AKAP13: variants seen among roughly 807,000 people sequenced by gnomAD.
AKAP13 encodes A-kinase anchor protein 13.
AKAP13 carries 80 observed loss-of-function variants against 264.5 expected under a neutral mutation model. The observed-to-expected ratio is 0.30, with a 90% CI of 0.25 to 0.36. The LOEUF (loss-of-function observed/expected upper bound fraction) is 0.36. Among genes scored for constraint, AKAP13 ranks in the 10% least tolerant of loss-of-function variants. The pLI, the probability that AKAP13 is intolerant of heterozygous loss-of-function variation, is 1.00. For synonymous variants in AKAP13, 1,380 were observed against 1,250.2 expected (o/e 1.10, Z -2.19); for missense variants, 3,712 against 3,435.2 (o/e 1.08, Z -2.01).
chr15:85,593,033 G>C (rs116335095), intron 8 of AKAP13, among the ~76,000 whole-genome samples: 1,852 of 151,846 alleles, frequency 0.012, 41 homozygotes, highest in African/African-American at 0.042. Flanking sequence ...GAAATGATTA[G>C]AATAATTTAA....
At chr15:85,547,253 C>T (rs1163393908) in intron 5 of AKAP13, among the ~76,000 whole-genome samples, 1 of 152,184 alleles carries the variant, frequency 6.6e-6, no homozygotes, top group African/African-American at 2.4e-5. Context: ...ATTTATAGCC[C>T]TTCCCAAGTA....
At chr15:85,528,198 A>G (rs1011851059) in intron 3 of AKAP13, among the ~76,000 whole-genome samples, 33 of 152,178 alleles carry the variant, frequency 2.2e-4, no homozygotes, top group East Asian at 1.9e-4. Context: ...AGCTCTCCCA[A>G]CCTCGCACAC....
At chr15:85,493,060 G>T (rs984781944) in intron 2 of AKAP13, among the ~76,000 whole-genome samples, 3 of 152,166 alleles carry the variant, frequency 2.0e-5, no homozygotes, top group East Asian at 1.9e-4. Flanking sequence ...CTTGTTCTGC[G>T]CAAGGTGTAC....
chr15:85,631,532 A>T lies in AKAP13; in HGVS notation c.4162-7842A>T, dbSNP rs1046586324. 1.7e-4 allele frequency among the ~76,000 whole-genome samples: 26 copies of T among 150,998 alleles called. No individual in the cohort carries two copies. The South Asian group carries it at 3.0e-3, about 17-fold the overall frequency. On this transcript the variant is annotated intron_variant, in intron 8 of 36. Transcript: ENST00000394518. ...CACACACACACACACACACACACACACACACACACACACACACACACTAAA... is the reference window on the plus strand; with the variant it reads ...CACACACACACACACACACACACACTCACACACACACACACACACACTAAA...
chr15:85,652,642 C>T (rs2082908078), intron 10 of AKAP13, among the ~76,000 whole-genome samples: 1 of 152,180 alleles, frequency 6.6e-6, no homozygotes, highest in South Asian at 2.1e-4. Flanking sequence ...CTGAAAACAA[C>T]AGGAACTTAC....
chr15:85,471,381 G>A (rs2074955196), intron 1 of AKAP13, among the ~76,000 whole-genome samples: 1 of 152,070 alleles, frequency 6.6e-6, no homozygotes, highest in African/African-American at 2.4e-5. Flanking sequence ...TGTAGTCCCA[G>A]CTACTCCGGA....
rs988880251 is a variant in AKAP13 at position 85,582,911 on chromosome 15, C to G, written c.4039+804C>G. ...AAGCAGCTGCACTGAGCAGATTGCT[C>G]ACACAGCAGCCTGTTCCATCTGTGG... On this transcript the variant is annotated intron_variant, in intron 7 of 36. Coordinates refer to ENST00000394518, the MANE Select transcript of AKAP13 (RefSeq NM_007200.5). The G allele has an allele frequency of 1.5e-5, 15 of 985,348 alleles. No homozygotes were observed. The African/African-American group carries it at 2.6e-4, about 17-fold the overall frequency. 61.0% of individuals were successfully genotyped at this position (985,348 alleles called of 1,614,324 possible). A position where few individuals can be genotyped will look rare whatever the true frequency, so the allele number is the denominator to read the frequency against.
chr15:85,557,577 A>T (rs1229930864), intron 5 of AKAP13, among the ~76,000 whole-genome samples: 3 of 152,000 alleles, frequency 2.0e-5, no homozygotes, highest in Non-Finnish European at 4.4e-5. Flanking sequence ...TCGACATCCT[A>T]CCTCAACTTC....
At chr15:85,675,700 GCTGA>G (rs1432189345) in intron 14 of AKAP13, among the ~76,000 whole-genome samples, 1 of 152,144 alleles carries the variant, frequency 6.6e-6, no homozygotes, top group Non-Finnish European at 1.5e-5. Flanking sequence ...GGGTCAGAAG[GCTGA>G]CTAAGGAAAA....
chr15:85,679,554 T>C (rs557462438), intron 14 of AKAP13, among the ~76,000 whole-genome samples: 1 of 152,198 alleles, frequency 6.6e-6, no homozygotes, highest in African/African-American at 2.4e-5. Context: ...TTCAAGGCAG[T>C]GTTCAATATA....
At chr15:85,722,510 G>A (rs1164041190) in intron 25 of AKAP13, among the ~76,000 whole-genome samples, 163 bp downstream of exon 25, 1 of 152,176 alleles carries the variant, frequency 6.6e-6, no homozygotes, top group Middle Eastern at 3.2e-3. Context: ...GGACTGTTAT[G>A]TTACCAGACT....
chr15:85,643,682 A>C (rs2082413921), intron 9 of AKAP13, among the ~76,000 whole-genome samples: 1 of 152,168 alleles, frequency 6.6e-6, no homozygotes, highest in Admixed American at 6.5e-5. Context: ...TTTATAGGCC[A>C]CCCAACCTAT....
intron 2 of AKAP13, among the ~76,000 whole-genome samples, chr15:85,503,196 A>C (rs1358209177): frequency 6.6e-6 from 1 of 152,220 alleles, no homozygotes; most frequent in Non-Finnish European, 1.5e-5. Context: ...CATTTGATAC[A>C]AGAGCCATTA....
chr15:85,630,166 TACACACACACACACACAC>T (rs59852934), intron 8 of AKAP13, among the ~76,000 whole-genome samples: 2 of 100,122 alleles, frequency 2.0e-5, no homozygotes, highest in Admixed American at 2.3e-4. Flanking sequence ...TTTTAACACA[TACACACACACACACACAC>T]ACACACACAC....
intron 17 of AKAP13, among the ~76,000 whole-genome samples, chr15:85,694,454 C>T (rs1476554823): frequency 6.6e-6 from 1 of 152,158 alleles, no homozygotes; most frequent in Admixed American, 6.5e-5. Context: ...GAGTGTGATT[C>T]CAATAAAACT....
chr15:85,407,429 AG>A (rs1490961141), intron 1 of AKAP13, among the ~76,000 whole-genome samples: 5 of 151,464 alleles, frequency 3.3e-5, no homozygotes, highest in Admixed American at 2.6e-4. Flanking sequence ...TAGTAGAGAC[AG>A]GGTTTCACCA....
At chr15:85,620,547 T>C (rs541734614) in intron 8 of AKAP13, among the ~76,000 whole-genome samples, 21 of 152,220 alleles carry the variant, frequency 1.4e-4, no homozygotes, top group Non-Finnish European at 2.5e-4. Flanking sequence ...GCCTGGTCTC[T>C]TTCTCTGTCA....
intron 5 of AKAP13, among the ~76,000 whole-genome samples, chr15:85,546,631 A>G (rs2077755709): frequency 1.3e-5 from 2 of 152,184 alleles, no homozygotes; most frequent in Admixed American, 1.3e-4. Flanking sequence ...TCTTGAAATT[A>G]TAAAGGTTTA....
At chr15:85,396,062 C>T (rs1400023729) in intron 1 of AKAP13, among the ~76,000 whole-genome samples, 1 of 152,014 alleles carries the variant, frequency 6.6e-6, no homozygotes, top group East Asian at 1.9e-4. Flanking sequence ...GCACACATAA[C>T]ATACATGTAT....
Sources: allele counts gnomAD v4.1 joint callset (sites outside exome capture counted in the v4.1 genomes callset), GRCh38; gene constraint gnomAD v4.1.1; transcripts MANE v1.5; gene names NCBI Gene and HGNC (gene_info 2026-07-23, HGNC 2026-07-21).